Variants in STRN observed in about 807,000 individuals in gnomAD.
STRN encodes the protein protein phosphatase 2 regulatory subunit B'''alpha.
In STRN, 53 loss-of-function variants were observed where a neutral mutation model predicts 96.3. The ratio of observed to expected loss-of-function variants is 0.55; its 90% CI spans 0.44 to 0.69. The LOEUF (loss-of-function observed/expected upper bound fraction) is 0.69. STRN is among the 30% of genes least tolerant of loss of function. The pLI is 0.00. For synonymous variants in STRN, 428 were observed against 355.9 expected, an observed-to-expected ratio of 1.20 and a Z score of -2.28; for missense variants, 987 against 963.9, an observed-to-expected ratio of 1.02 and a Z score of -0.32.
intron 3 of STRN, among the ~76,000 whole-genome samples, chr2:36,910,508 A>G (rs2148211613): frequency 6.6e-6 from 1 of 152,360 alleles, no homozygotes; most frequent in South Asian, 2.1e-4. Flanking sequence ...TGTACTATCC[A>G]TGAAGTGGTG....
At chr2:36,934,358 T>C (rs1252963397) in intron 1 of STRN, among the ~76,000 whole-genome samples, 2 of 152,152 alleles carry the variant, frequency 1.3e-5, no homozygotes, top group Non-Finnish European at 2.9e-5. Flanking sequence ...TATGCGTACA[T>C]GTAAGAAACA....
At chr2:36,934,533 C>A (rs1258090070) in intron 1 of STRN, among the ~76,000 whole-genome samples, 1 of 152,154 alleles carries the variant, frequency 6.6e-6, no homozygotes, top group Non-Finnish European at 1.5e-5. Flanking sequence ...AAAGAGTTAA[C>A]ATGTTTTAAA....
At position 36,849,439 on chromosome 2, in the gene STRN, G is replaced by A. The variant is rs771915649; in HGVS notation, c.*17C>T. The A allele has an allele frequency of 7.4e-6, 12 of 1,612,930 alleles. No homozygotes were observed. The highest frequency in any genetic ancestry group is 3.3e-4 in the Middle Eastern group (2 of 6,080). Reference sequence around the variant, plus strand: ...GATTACTTATAAACAGCTAGAAGGTGAAGATGATGCATTGCGTCATACAAA... The same window carrying A: ...GATTACTTATAAACAGCTAGAAGGTAAAGATGATGCATTGCGTCATACAAA... On this transcript the variant is annotated 3_prime_UTR_variant, in exon 18 of 18. Coordinates refer to ENST00000263918, the MANE Select transcript of STRN (RefSeq NM_003162.4).
chr2:36,927,268 G>T (rs1303465478), intron 1 of STRN, among the ~76,000 whole-genome samples: 1 of 152,118 alleles, frequency 6.6e-6, no homozygotes, highest in East Asian at 1.9e-4. Flanking sequence ...AGCACTTTGG[G>T]AGGCCGAGGC....
At chr2:36,926,724 A>C (rs183458710) in intron 1 of STRN, among the ~76,000 whole-genome samples, 1 of 152,334 alleles carries the variant, frequency 6.6e-6, no homozygotes, top group East Asian at 1.9e-4. Flanking sequence ...AATTAAAGGA[A>C]GGATTACATT....
chr2:36,844,800 T>C lies in STRN; in HGVS notation c.*4656A>G, dbSNP rs937925718. On this transcript the variant is annotated 3_prime_UTR_variant, in exon 18 of 18. Coordinates refer to ENST00000263918, the MANE Select transcript of STRN (RefSeq NM_003162.4). ...TGGATATTGCCAATTAAAAAGTTTG[T>C]AGTGGCAAAAGTAAAAATGATTCAA... 1.3e-5 allele frequency: 2 copies of C among 152,148 alleles called. No homozygotes were observed. The highest frequency in any genetic ancestry group is 4.8e-5 in the African/African-American group (2 of 41,430). The allele number at this position is 152,148 out of a possible 1,614,324, so 9.4% of individuals were successfully genotyped here.
In STRN at chr2:36,878,972, T is replaced by C. The variant is rs561460430; in HGVS notation, c.1187-945A>G. 4.0e-5 allele frequency among the ~76,000 whole-genome samples: 6 copies of C among 151,430 alleles called. No homozygotes were observed. In the East Asian group the frequency reaches 7.8e-4, roughly 20 times the overall value. On this transcript the variant is annotated intron_variant, in intron 9 of 17. Coordinates refer to ENST00000263918, the MANE Select transcript of STRN (RefSeq NM_003162.4). ...TTCACCATGTTGGCCAGGCTGGTCG[T>C]GAACTCCTGACCTCAAGTGATCCAC...
At position 36,847,961 on chromosome 2, in the gene STRN, A is replaced by C. The variant is rs1019995310; in HGVS notation, c.*1495T>G. On this transcript the variant is annotated 3_prime_UTR_variant, in exon 18 of 18. Transcript: ENST00000263918. ...TTTTGGTGGAAAGTTGGACGTTAAT[A>C]ATTTATTTCCAATTTCTAGATTGGT... is the stretch of plus-strand genomic sequence containing the variant. The C allele has an allele frequency of 6.6e-6, 1 of 152,216 alleles. No homozygotes were observed. Among genetic ancestry groups the C allele is most frequent in the African/African-American group, 2.4e-5 (1 of 41,456 alleles). 9.4% of individuals were successfully genotyped at this position (152,216 alleles called of 1,614,324 possible). A position where few individuals can be genotyped will look rare whatever the true frequency, so the allele number is the denominator to read the frequency against.
chr2:36,899,575 T>A lies in STRN; in HGVS notation c.743A>T (p.Asp248Val), dbSNP rs1217489189. The change falls in exon 6 of 18, where the codon GAT (aspartate) becomes GTT (valine). Residue 248 changes from aspartate to valine, a missense_variant. Coordinates refer to ENST00000263918, the MANE Select transcript of STRN (RefSeq NM_003162.4). Reference protein sequence around the residue: ...ESAAADFSDEDEDDDVDGREK... With the variant: ...ESAAADFSDEVEDDDVDGREK... ...TCTTCCATCAACATCATCATCTTCA[T>A]CTTCATCACTGAAATCTGCAGCTGC... The A allele has an allele frequency of 6.2e-7, 1 of 1,613,694 alleles. No homozygotes were observed. Among genetic ancestry groups the A allele is most frequent in the African/African-American group, 1.3e-5 (1 of 74,922 alleles).
chr2:36,897,632 T>C (rs998258276), intron 6 of STRN, among the ~76,000 whole-genome samples: 56 of 151,332 alleles, frequency 3.7e-4, no homozygotes, highest in Non-Finnish European at 5.6e-4. Context: ...AGAGACAGGG[T>C]TTCACCGCGT....
In STRN at chr2:36,878,042, C is replaced by T; in HGVS notation, c.1187-15G>A. 2 of 1,610,568 alleles carry T rather than the reference C, an allele frequency of 1.2e-6. No homozygotes were observed. Among genetic ancestry groups the T allele is most frequent in the Admixed American group, 1.7e-5 (1 of 59,164 alleles). On this transcript the variant is annotated splice_polypyrimidine_tract_variant and intron_variant, in intron 9 of 17. Transcript: ENST00000263918. ...CAATGCTTCCACTGAAGAGGGAAGA[C>T]AAAGGAAACATTAAAAAATCTCTAA... is the stretch of plus-strand genomic sequence containing the variant.
intron 1 of STRN, among the ~76,000 whole-genome samples, chr2:36,953,505 C>T (rs1391970953): frequency 6.6e-6 from 1 of 151,448 alleles, no homozygotes; most frequent in Non-Finnish European, 1.5e-5. Flanking sequence ...CAGGTTCACA[C>T]CATTCTCCTG....
rs927912141 is a variant in STRN, at chr2:36,838,916, T to C, written c.*10540A>G. On this transcript the variant is annotated 3_prime_UTR_variant, in exon 18 of 18. Coordinates refer to ENST00000263918, the MANE Select transcript of STRN (RefSeq NM_003162.4). ...AAGCAAACTGCCCACCAAAATATCT[T>C]CTCATTAACGTTAGACTGTATATGT... is the stretch of plus-strand genomic sequence containing the variant. Among the ~76,000 whole-genome samples the C allele has an allele frequency of 1.3e-5, 2 of 152,206 alleles. No homozygotes were observed. The highest frequency in any genetic ancestry group is 2.9e-5 in the Non-Finnish European group (2 of 68,040).
chr2:36,928,062 T>A (rs576892995), intron 1 of STRN, among the ~76,000 whole-genome samples: 1 of 152,240 alleles, frequency 6.6e-6, no homozygotes, highest in African/African-American at 2.4e-5. Flanking sequence ...ATGAGAATAA[T>A]GTCAATCTTT....
At chr2:36,965,930 C>G (rs1665146264) in intron 1 of STRN, among the ~76,000 whole-genome samples, 1 of 152,118 alleles carries the variant, frequency 6.6e-6, no homozygotes, top group Non-Finnish European at 1.5e-5. Context: ...GAGGGCAGCC[C>G]TGAGATGCAG....
intron 1 of STRN, among the ~76,000 whole-genome samples, chr2:36,929,067 T>C (rs1670499291): frequency 6.6e-6 from 1 of 152,176 alleles, no homozygotes. Context: ...AAGAAAACTT[T>C]GGAATTATCT....
intron 15 of STRN, among the ~76,000 whole-genome samples, chr2:36,852,316 T>C (rs577040047): frequency 9.9e-5 from 15 of 152,206 alleles, no homozygotes; most frequent in Non-Finnish European, 7.3e-5. Context: ...AATTAAATTA[T>C]GGTCCAGGGA....
intron 2 of STRN, among the ~76,000 whole-genome samples, chr2:36,921,774 G>C (rs555250307): frequency 6.6e-6 from 1 of 152,032 alleles, no homozygotes; most frequent in African/African-American, 2.4e-5. Flanking sequence ...CTTTCTGCCT[G>C]TGTTTAGAGA....
intron 10 of STRN, among the ~76,000 whole-genome samples, chr2:36,874,982 CTG>C (rs1668864388): frequency 6.6e-6 from 1 of 150,990 alleles, no homozygotes; most frequent in East Asian, 1.9e-4. Context: ...ATAATCCTAA[CTG>C]AGTATAGAGT....
Sources: gnomAD v4.1 joint callset for allele counts (sites outside exome capture counted in the v4.1 genomes callset) on GRCh38, gnomAD v4.1.1 for gene constraint, MANE v1.5 for transcripts, NCBI Gene and HGNC (gene_info 2026-07-23, HGNC 2026-07-21) for gene names.